Variants in HMGCLL1 observed in about 807,000 individuals in gnomAD.
HMGCLL1 encodes 3-hydroxy-3-methylglutaryl-CoA lyase like 1.
A neutral mutation model predicts 39.1 loss-of-function variants in HMGCLL1; 36 were observed. That is an observed-to-expected ratio of 0.92 (90% CI 0.71 to 1.22). The LOEUF (loss-of-function observed/expected upper bound fraction) is 1.22. Ranked by LOEUF, HMGCLL1 falls within the 50% of genes most tolerant of loss-of-function variation. HMGCLL1 has a pLI of 0.00. For synonymous variants in HMGCLL1, 149 were observed against 144.0 expected, an observed-to-expected ratio of 1.03 and a Z score of -0.25; for missense variants, 451 against 416.5, an observed-to-expected ratio of 1.08 and a Z score of -0.72.
the HMGCLL1 span, among the ~76,000 whole-genome samples, chr6:55,658,892 A>C: frequency 6.6e-6 from 1 of 152,036 alleles, no homozygotes; most frequent in East Asian, 2.0e-4. Context: ...ATATCAAAGC[A>C]CAGCGACCCA....
intron 1 of HMGCLL1, among the ~76,000 whole-genome samples, chr6:55,566,268 C>T (rs756793514): frequency 2.0e-5 from 3 of 152,110 alleles, no homozygotes; most frequent in Non-Finnish European, 4.4e-5. Context: ...GTCTGACAGA[C>T]ATGTTCTCTT....
At chr6:55,505,741 G>T (rs1402141953) in intron 5 of HMGCLL1, among the ~76,000 whole-genome samples, 1 of 151,630 alleles carries the variant, frequency 6.6e-6, no homozygotes, top group Non-Finnish European at 1.5e-5. Context: ...TTTACATATA[G>T]TTTTGTTCCT....
At chr6:55,594,246 C>G in the HMGCLL1 span, among the ~76,000 whole-genome samples, 1 of 152,166 alleles carries the variant, frequency 6.6e-6, no homozygotes, top group African/African-American at 2.4e-5. Context: ...CTTTCCTTCT[C>G]ACTAGTTCAA....
At chr6:55,583,321 A>G (rs1040590534), upstream of HMGCLL1, among the ~76,000 whole-genome samples, 3 of 151,898 alleles carry the variant, frequency 2.0e-5, no homozygotes, top group African/African-American at 4.8e-5. Flanking sequence ...CATTAGGTAT[A>G]TCTCCTAATG....
intron 1 of HMGCLL1, among the ~76,000 whole-genome samples, chr6:55,544,805 C>T (rs948978211): frequency 2.0e-5 from 3 of 152,056 alleles, no homozygotes; most frequent in African/African-American, 7.2e-5. Flanking sequence ...AAAAAAGCAA[C>T]CTAGAAGAAA....
chr6:55,653,638 C>G, the HMGCLL1 span, among the ~76,000 whole-genome samples: 1 of 151,700 alleles, frequency 6.6e-6, no homozygotes, highest in East Asian at 2.0e-4. Flanking sequence ...TTTGAGAATC[C>G]CTAAGAAGGT....
intron 1 of HMGCLL1, among the ~76,000 whole-genome samples, chr6:55,572,638 G>A (rs72988011): frequency 0.086 from 13,033 of 152,080 alleles, 770 homozygotes; most frequent in Non-Finnish European, 0.13. Flanking sequence ...TGAATAGTAT[G>A]TATGCTACTA....
At chr6:55,538,855 C>CACACAT (rs1554153661) in intron 3 of HMGCLL1, among the ~76,000 whole-genome samples, 1 of 151,342 alleles carries the variant, frequency 6.6e-6, no homozygotes, top group African/African-American at 2.4e-5. Flanking sequence ...CACACACACA[C>CACACAT]TATAAACAGC....
chr6:55,663,663 G>T, the HMGCLL1 span, among the ~76,000 whole-genome samples: 1 of 151,816 alleles, frequency 6.6e-6, no homozygotes, highest in Non-Finnish European at 1.5e-5. Context: ...GTTTTAGGTG[G>T]AGAGCTCTGG....
Position 55,520,964 on chromosome 6 carries a change from G to A in HMGCLL1, c.298-4361C>T, listed in dbSNP as rs185613740. On this transcript the variant is annotated intron_variant, in intron 3 of 8. Coordinates refer to ENST00000274901, the MANE Select transcript of HMGCLL1 (RefSeq NM_001042406.2). ...AGATCCAAATCATCACAATATTTGC[G>A]TAACATTCTGCAAGAGTTTTCAAGA... Among the ~76,000 whole-genome samples the A allele has an allele frequency of 3.4e-4, 52 of 151,972 alleles. 1 individual carries two copies. Among genetic ancestry groups the A allele is most frequent in the Non-Finnish European group, 5.9e-4 (40 of 67,952 alleles).
intron 7 of HMGCLL1, among the ~76,000 whole-genome samples, chr6:55,454,797 C>A (rs1159884567): frequency 6.6e-6 from 1 of 152,208 alleles, no homozygotes; most frequent in African/African-American, 2.4e-5. Context: ...AACTTGAAAT[C>A]TGTTTTAAAG....
At chr6:55,647,603 T>G in the HMGCLL1 span, among the ~76,000 whole-genome samples, 1 of 151,822 alleles carries the variant, frequency 6.6e-6, no homozygotes, top group African/African-American at 2.4e-5. Context: ...AAACACTGTC[T>G]TATTACCCAT....
chr6:55,559,197 C>G (rs545901533), intron 1 of HMGCLL1, among the ~76,000 whole-genome samples: 1 of 152,138 alleles, frequency 6.6e-6, no homozygotes, highest in Non-Finnish European at 1.5e-5. Flanking sequence ...TCCACGAAAA[C>G]GTTTTGCTCC....
At chr6:55,443,323 G>A (rs1763683321) in intron 7 of HMGCLL1, among the ~76,000 whole-genome samples, 1 of 152,170 alleles carries the variant, frequency 6.6e-6, no homozygotes, top group Non-Finnish European at 1.5e-5. Context: ...AGAGGAATCA[G>A]CCGGATAGAT....
chr6:55,596,301 T>G, the HMGCLL1 span, among the ~76,000 whole-genome samples: 1 of 152,190 alleles, frequency 6.6e-6, no homozygotes, highest in Non-Finnish European at 1.5e-5. Flanking sequence ...CACTCCAGCC[T>G]GGGTGACAGC....
chr6:55,623,740 A>G, the HMGCLL1 span, among the ~76,000 whole-genome samples: 1 of 151,156 alleles, frequency 6.6e-6, no homozygotes. Context: ...TATGATATAT[A>G]TGTGTGTACA....
At chr6:55,643,072 T>C in the HMGCLL1 span, among the ~76,000 whole-genome samples, 14 of 152,140 alleles carry the variant, frequency 9.2e-5, 1 homozygote, top group African/African-American at 3.4e-4. Context: ...TCCATTTCTT[T>C]ACTATTGTGA....
chr6:55,552,102 T>A (rs970251917), intron 1 of HMGCLL1, among the ~76,000 whole-genome samples: 10 of 151,866 alleles, frequency 6.6e-5, no homozygotes, highest in African/African-American at 2.4e-4. Flanking sequence ...AGGGGCATTT[T>A]AAAAAAATGC....
rs1561904124 is a variant in HMGCLL1, at chr6:55,477,198, TATATA to T, written c.795+18216_795+18220del. On this transcript the variant is annotated intron_variant, in intron 7 of 8. Transcript: ENST00000274901. ...TATATTATATTTATATATTATATAT[TATATA>T]ATATATATTATATTATAATATATAA... Among the ~76,000 whole-genome samples the T allele has an allele frequency of 5.8e-3, 143 of 24,682 alleles. 24 individuals are homozygous for T. The highest frequency in any genetic ancestry group is 0.043 in the African/African-American group (136 of 3,180). The allele number at this position is 24,682 out of a possible 152,430, so 16.2% of individuals were successfully genotyped here.
Sources: allele counts gnomAD v4.1 joint callset (sites outside exome capture counted in the v4.1 genomes callset), GRCh38; gene constraint gnomAD v4.1.1; transcripts MANE v1.5; gene names NCBI Gene and HGNC (gene_info 2026-07-23, HGNC 2026-07-21).